PIGL: variants seen among roughly 807,000 people sequenced by gnomAD.
PIGL encodes the protein phosphatidylinositol glycan anchor biosynthesis class L.
PIGL carries 22 observed loss-of-function variants against 31.1 expected under a neutral mutation model. The observed-to-expected ratio is 0.71, with a 90% CI of 0.51 to 1.01. The LOEUF (loss-of-function observed/expected upper bound fraction) is 1.01. Ranked by LOEUF, PIGL falls within the 50% of genes least tolerant of loss-of-function variation. The pLI is 0.00. For synonymous variants in PIGL, 131 were observed against 117.4 expected, an observed-to-expected ratio of 1.12 and a Z score of -0.75; for missense variants, 302 against 315.9, an observed-to-expected ratio of 0.96 and a Z score of 0.33.
At chr17:16,312,605 C>G (rs577883639) in intron 3 of PIGL, 6 of 166,540 alleles carry the variant, frequency 3.6e-5, no homozygotes, top group Non-Finnish European at 7.8e-5. Context: ...GCCGAGATCA[C>G]GCCACTGCAC....
intron 1 of PIGL, among the ~76,000 whole-genome samples, chr17:16,218,677 CTTTTTTTTT>C (rs34243048): frequency 1.6e-5 from 2 of 127,678 alleles, no homozygotes; most frequent in Non-Finnish European, 3.2e-5. Flanking sequence ...CCAACTTACT[CTTTTTTTTT>C]TTTTTTTTTT....
intron 3 of PIGL, among the ~76,000 whole-genome samples, chr17:16,306,944 G>C (rs772757794): frequency 6.6e-6 from 1 of 152,300 alleles, no homozygotes; most frequent in East Asian, 1.9e-4. Flanking sequence ...GCTCGGCTGC[G>C]ACTGCCCAGC....
chr17:16,295,601 G>A (rs1043438129), intron 2 of PIGL, among the ~76,000 whole-genome samples: 1 of 151,652 alleles, frequency 6.6e-6, no homozygotes, highest in Non-Finnish European at 1.5e-5. Flanking sequence ...AGCTGTGATT[G>A]TACCACCGCA....
At chr17:16,302,849 G>A (rs1296778430) in intron 3 of PIGL, among the ~76,000 whole-genome samples, 6 of 152,034 alleles carry the variant, frequency 3.9e-5, no homozygotes, top group Non-Finnish European at 8.8e-5. Flanking sequence ...CGCCTTCCCC[G>A]GACTTCCAAA....
chr17:16,269,769 T>TC (rs1260867353), intron 2 of PIGL, among the ~76,000 whole-genome samples: 2 of 152,022 alleles, frequency 1.3e-5, no homozygotes, highest in East Asian at 3.9e-4. Context: ...ATTTTTTTTT[T>TC]TGAACTCCCC....
intron 2 of PIGL, among the ~76,000 whole-genome samples, chr17:16,258,657 C>T (rs574191743): frequency 6.6e-6 from 1 of 152,024 alleles, no homozygotes; most frequent in Non-Finnish European, 1.5e-5. Context: ...GCATGCACCA[C>T]CATGCCCAGC....
chr17:16,251,563 T>C (rs564082607), intron 2 of PIGL, among the ~76,000 whole-genome samples: 2 of 151,550 alleles, frequency 1.3e-5, no homozygotes, highest in Non-Finnish European at 2.9e-5. Context: ...ATCCCTCAAC[T>C]AATCAGTTAA....
At chr17:16,279,556 T>G (rs1269303023) in intron 2 of PIGL, 1 of 152,258 alleles carries the variant, frequency 6.6e-6, no homozygotes, top group Non-Finnish European at 1.5e-5. Flanking sequence ...TACATTTGTT[T>G]ATTTTATTAT....
At chr17:16,247,136 T>C (rs1360838560) in intron 2 of PIGL, among the ~76,000 whole-genome samples, 2 of 152,196 alleles carry the variant, frequency 1.3e-5, no homozygotes, top group African/African-American at 2.4e-5. Context: ...ACAAGTTTTA[T>C]TGGATTAAAG....
At chr17:16,217,630 C>CACCAA in intron 1 of PIGL, 169 bp downstream of exon 1, 1 of 540,664 alleles carries the variant, frequency 1.8e-6, no homozygotes, top group Non-Finnish European at 3.2e-6. Context: ...GGCCGGCTTA[C>CACCAA]CTGGTGGGTT....
intron 4 of PIGL, 145 bp downstream of exon 4, chr17:16,313,759 T>C: frequency 1.5e-6 from 1 of 682,408 alleles, no homozygotes; most frequent in Non-Finnish European, 2.7e-6. Context: ...TTTGGCCATG[T>C]TGCTCACTGC....
Position 16,317,914 on chromosome 17 carries a change from G to A in PIGL, c.660+6G>A. On this transcript the variant is annotated splice_donor_region_variant and intron_variant, in intron 6 of 6. Coordinates refer to ENST00000225609, the MANE Select transcript of PIGL (RefSeq NM_004278.4). ...AAGAAGTGGCACAGGCCAAGGTGAG[G>A]ATTGTAAATTCCTGGACACCCCAAC... 1.2e-6 allele frequency: 2 copies of A among 1,610,170 alleles called. No homozygotes were observed. Among genetic ancestry groups the A allele is most frequent in the Non-Finnish European group, 1.7e-6 (2 of 1,179,686 alleles).
intron 2 of PIGL, among the ~76,000 whole-genome samples, chr17:16,287,764 A>C (rs994806372): frequency 3.9e-5 from 6 of 152,140 alleles, no homozygotes; most frequent in African/African-American, 1.4e-4. Flanking sequence ...TGCCCAAAAA[A>C]ACTCTTGTGT....
intron 6 of PIGL, among the ~76,000 whole-genome samples, chr17:16,318,629 G>A (rs187444984): frequency 7.2e-5 from 11 of 152,044 alleles, no homozygotes; most frequent in Admixed American, 3.9e-4. Context: ...GGATCACACA[G>A]TGCCTATTTA....
chr17:16,259,037 C>T (rs1380612912), intron 2 of PIGL, among the ~76,000 whole-genome samples: 1 of 152,154 alleles, frequency 6.6e-6, no homozygotes, highest in African/African-American at 2.4e-5. Flanking sequence ...TGGGATGCTC[C>T]AGAGAGCCCT....
At chr17:16,318,738 C>T (rs886805437) in intron 6 of PIGL, among the ~76,000 whole-genome samples, 2 of 151,396 alleles carry the variant, frequency 1.3e-5, no homozygotes, top group Non-Finnish European at 2.9e-5. Context: ...CAAGACCAGC[C>T]TGGCCAACAT....
At chr17:16,225,608 G>A (rs151221945) in intron 1 of PIGL, among the ~76,000 whole-genome samples, 191 of 150,632 alleles carry the variant, frequency 1.3e-3, no homozygotes, top group Middle Eastern at 3.4e-3. Context: ...GATTACAGGC[G>A]TGAGCCACCG....
intron 2 of PIGL, among the ~76,000 whole-genome samples, chr17:16,248,250 G>T (rs1047506055): frequency 2.0e-5 from 3 of 152,048 alleles, no homozygotes; most frequent in African/African-American, 7.2e-5. Flanking sequence ...TTACGTTCTG[G>T]TTCCTTTTAA....
intron 3 of PIGL, among the ~76,000 whole-genome samples, chr17:16,310,431 A>G (rs1357788959): frequency 6.6e-6 from 1 of 152,086 alleles, no homozygotes; most frequent in Non-Finnish European, 1.5e-5. Flanking sequence ...GCTTGCCTGA[A>G]ATACGATATT....
Sources: gnomAD v4.1 joint callset for allele counts (sites outside exome capture counted in the v4.1 genomes callset) on GRCh38, gnomAD v4.1.1 for gene constraint, MANE v1.5 for transcripts, NCBI Gene and HGNC (gene_info 2026-07-23, HGNC 2026-07-21) for gene names.